The following MEGF6 variants were observed in gnomAD, a reference collection of about 807,000 sequenced individuals.
MEGF6 encodes multiple epidermal growth factor-like domains protein 6.
Under a neutral mutation model 207.1 loss-of-function variants are expected in MEGF6, and 184 were observed. That is an observed-to-expected ratio of 0.89 (90% CI 0.79 to 1.00). The LOEUF is 1.00. Among genes scored for constraint, MEGF6 ranks in the 50% least tolerant of loss-of-function variants. The pLI, the probability that MEGF6 is intolerant of heterozygous loss-of-function variation, is 0.00. For synonymous variants in MEGF6, 1,038 were observed against 910.0 expected (o/e 1.14, Z -2.53); for missense variants, 2,282 against 2,202.9 (o/e 1.04, Z -0.72).
intron 5 of MEGF6, among the ~76,000 whole-genome samples, chr1:3,519,765 G>A (rs532355367): frequency 2.0e-5 from 3 of 152,328 alleles, no homozygotes; most frequent in Non-Finnish European, 4.4e-5. Flanking sequence ...CTCCCGGGCC[G>A]GGCCTCCCCT....
In MEGF6 at chr1:3,560,316, A is replaced by G. The variant is rs1181387461; in HGVS notation, c.481+19509T>C. Among the ~76,000 whole-genome samples the G allele has an allele frequency of 6.6e-6, 1 of 152,186 alleles. No individual in the cohort carries two copies. The highest frequency in any genetic ancestry group is 2.4e-5 in the African/African-American group (1 of 41,438). ...AGCCCACGTTGACACATTGTTGTTA[A>G]CTGAGTCCAGGGTTCCTTTCAGGGC... is the stretch of plus-strand genomic sequence containing the variant. On this transcript the variant is annotated intron_variant, in intron 4 of 36. Transcript: ENST00000356575. The surrounding 1 kb of genome is among the most constrained non-coding windows in gnomAD (Gnocchi z 4.0).
intron 4 of MEGF6, among the ~76,000 whole-genome samples, chr1:3,564,369 G>T: frequency 6.6e-6 from 1 of 152,212 alleles, no homozygotes; most frequent in South Asian, 2.1e-4. Flanking sequence ...TCAGTAAAGC[G>T]GGGGGTTGTC....
At chr1:3,610,060 A>G (rs1430574839) in intron 1 of MEGF6, among the ~76,000 whole-genome samples, 2 of 152,232 alleles carry the variant, frequency 1.3e-5, no homozygotes, top group Non-Finnish European at 2.9e-5. Flanking sequence ...CACAGGAAAG[A>G]GGAATGTCCC....
intron 5 of MEGF6, among the ~76,000 whole-genome samples, chr1:3,516,799 G>A (rs1373389014): frequency 3.3e-5 from 5 of 152,202 alleles, no homozygotes; most frequent in Admixed American, 6.5e-5. Flanking sequence ...AGGGGAGCAG[G>A]CGCTGAGGGT....
intron 17 of MEGF6, 65 bp from the exon 18 acceptor site, chr1:3,501,986 C>CT (rs1640895722): frequency 6.5e-7 from 1 of 1,539,878 alleles, no homozygotes; most frequent in Admixed American, 2.2e-5. Context: ...GAGCCTTTCC[C>CT]CCAGGGGCTC....
intron 4 of MEGF6, among the ~76,000 whole-genome samples, chr1:3,576,856 A>AGCCCTGCACACTCCACCCCCGCACACCTG (rs1318660943): frequency 7.6e-6 from 1 of 131,668 alleles, no homozygotes; most frequent in African/African-American, 3.0e-5. Flanking sequence ...CTGCATGCCC[A>AGCCCTGCACACTCCACCCCCGCACACCTG]GCCCTGCACA....
At chr1:3,525,213 C>G (rs1201000889) in intron 4 of MEGF6, among the ~76,000 whole-genome samples, 2 of 152,222 alleles carry the variant, frequency 1.3e-5, no homozygotes, top group African/African-American at 4.8e-5. Context: ...CCATGAAGTG[C>G]CACCCGCCAT....
intron 4 of MEGF6, among the ~76,000 whole-genome samples, chr1:3,538,703 T>C (rs1463451443): frequency 1.8e-5 from 1 of 54,422 alleles, no homozygotes; most frequent in African/African-American, 4.5e-5. Flanking sequence ...TGCCTGTGTG[T>C]GTGTGTGTGT....
intron 1 of MEGF6, among the ~76,000 whole-genome samples, chr1:3,610,425 C>T (rs1644308755): frequency 6.6e-6 from 1 of 152,182 alleles, no homozygotes; most frequent in African/African-American, 2.4e-5. Flanking sequence ...CGCCCACCCA[C>T]CCCTGCCAGC....
At chr1:3,581,855 T>C (rs1643804602) in intron 3 of MEGF6, among the ~76,000 whole-genome samples, 1 of 152,074 alleles carries the variant, frequency 6.6e-6, no homozygotes, top group African/African-American at 2.4e-5. Context: ...CCCACCCTCC[T>C]GTTCTCAGGG....
chr1:3,525,214 C>T (rs1641916660), intron 4 of MEGF6, among the ~76,000 whole-genome samples: 1 of 152,230 alleles, frequency 6.6e-6, no homozygotes, highest in African/African-American at 2.4e-5. Context: ...CATGAAGTGC[C>T]ACCCGCCATC....
At chr1:3,577,197 G>A (rs1643667997) in intron 4 of MEGF6, among the ~76,000 whole-genome samples, 1 of 152,196 alleles carries the variant, frequency 6.6e-6, no homozygotes, top group African/African-American at 2.4e-5. Flanking sequence ...CCTCCAGCTT[G>A]TCAACTGCCC....
At chr1:3,491,130 G>T (rs1329855584) in intron 35 of MEGF6, among the ~76,000 whole-genome samples, 171 bp from the exon 36 acceptor site, 1 of 84,178 alleles carries the variant, frequency 1.2e-5, no homozygotes, top group African/African-American at 3.3e-4. Context: ...GCGGGAGCTG[G>T]GGGGGGGGGC....
chr1:3,552,420 C>T (rs868285955), intron 4 of MEGF6, among the ~76,000 whole-genome samples: 3 of 152,232 alleles, frequency 2.0e-5, no homozygotes, highest in East Asian at 3.9e-4. Flanking sequence ...GGTAAGACCA[C>T]GCGTGGCGGC....
intron 4 of MEGF6, among the ~76,000 whole-genome samples, chr1:3,558,159 T>C (rs1002372231): frequency 5.9e-5 from 9 of 152,186 alleles, no homozygotes; most frequent in Non-Finnish European, 1.3e-4. Context: ...CCTGGTCCAA[T>C]GTCACCGAGG....
intron 7 of MEGF6, among the ~76,000 whole-genome samples, chr1:3,514,019 C>A (rs890417952): frequency 5.9e-5 from 9 of 151,988 alleles, no homozygotes; most frequent in Admixed American, 5.9e-4. Context: ...GAGGCCGAGG[C>A]GGGCGGATCA....
chr1:3,607,486 C>T (rs1398516236), intron 1 of MEGF6, among the ~76,000 whole-genome samples: 5 of 152,150 alleles, frequency 3.3e-5, no homozygotes, highest in Admixed American at 1.3e-4. Flanking sequence ...AGTGTGGGAA[C>T]GACTGTCTCC....
At chr1:3,518,487 G>C (rs904840216) in intron 5 of MEGF6, among the ~76,000 whole-genome samples, 1 of 152,220 alleles carries the variant, frequency 6.6e-6, no homozygotes, top group African/African-American at 2.4e-5. Flanking sequence ...TCGAGGCGCA[G>C]CATCCTGGGC....
intron 5 of MEGF6, among the ~76,000 whole-genome samples, chr1:3,522,793 C>T (rs557831365): frequency 2.0e-5 from 3 of 152,228 alleles, no homozygotes; most frequent in South Asian, 2.1e-4. Context: ...CTGGGCTGCC[C>T]TTCTACAAGG....
Sources: allele counts gnomAD v4.1 joint callset (sites outside exome capture counted in the v4.1 genomes callset), GRCh38; gene constraint gnomAD v4.1.1; non-coding constraint Gnocchi (gnomAD v3.1); transcripts MANE v1.5; gene names NCBI Gene and HGNC (gene_info 2026-07-23, HGNC 2026-07-21).